ZNF729: variants seen among roughly 807,000 people sequenced by gnomAD.
ZNF729 encodes zinc finger protein 729.
ZNF729 carries 15 observed loss-of-function variants against 12.2 expected under a neutral mutation model. The ratio of observed to expected loss-of-function variants is 1.23; its 90% CI spans 0.82 to 1.89. The LOEUF (loss-of-function observed/expected upper bound fraction) is 1.89. Ranked by LOEUF, ZNF729 falls within the 40% of genes most tolerant of loss-of-function variation. The pLI is 0.00. For synonymous variants in ZNF729, 492 were observed against 476.3 expected (o/e 1.03, Z -0.43); for missense variants, 1,540 against 1,456.7 (o/e 1.06, Z -0.93).
intron 1 of ZNF729, among the ~76,000 whole-genome samples, chr19:22,302,049 TG>T: frequency 6.6e-6 from 1 of 152,310 alleles, no homozygotes; most frequent in Non-Finnish European, 1.5e-5. Context: ...AGCAGAACTG[TG>T]TCAAGCTGAC....
In ZNF729 at chr19:22,316,747, C is replaced by T. The variant is rs776690693; in HGVS notation, c.3330C>T (p.Gly1110=). Residue 1110 remains glycine (G), a synonymous_variant, in exon 4 of 4, where the codon GGC becomes GGT. Transcript: ENST00000601693. ...GKKPYQCDEC[G]KAFNNSSTLT... ...AACCCTACCAATGTGACGAATGTGG[C>T]AAAGCTTTTAACAATTCCTCAACCC... The T allele has an allele frequency of 6.2e-7, 1 of 1,612,682 alleles. No homozygotes were observed. Among genetic ancestry groups the T allele is most frequent in the Non-Finnish European group, 8.5e-7 (1 of 1,179,730 alleles).
chr19:22,300,399 A>G (rs754097725), intron 1 of ZNF729, among the ~76,000 whole-genome samples: 1 of 152,124 alleles, frequency 6.6e-6, no homozygotes, highest in Non-Finnish European at 1.5e-5. Flanking sequence ...TGTCTGTTCT[A>G]TTGTGGAGTT....
rs373375131 is a variant in ZNF729, at chr19:22,289,226, A to ATT, written c.30+2687_30+2688dup. ...ATTTAATTATATATTCCATTTGTTA[A>ATT]TTTTTTTTTTTTTTTTTGAGACCAA... On this transcript the variant is annotated intron_variant, in intron 1 of 3. Coordinates refer to ENST00000601693, the MANE Select transcript of ZNF729 (RefSeq NM_001242680.2). Among the ~76,000 whole-genome samples the ATT allele has an allele frequency of 3.0e-3, 422 of 140,526 alleles. 6 individuals are homozygous for ATT. The highest frequency in any genetic ancestry group is 0.01 in the African/African-American group (392 of 37,730). 92.2% of individuals were successfully genotyped at this position (140,526 alleles called of 152,430 possible). A position where few individuals can be genotyped will look rare whatever the true frequency, so the allele number is the denominator to read the frequency against.
chr19:22,297,475 A>T (rs1311033594), intron 1 of ZNF729, among the ~76,000 whole-genome samples: 1 of 151,926 alleles, frequency 6.6e-6, no homozygotes, highest in Non-Finnish European at 1.5e-5. Context: ...AAAATAAGAA[A>T]ATATATTTTG....
intron 1 of ZNF729, among the ~76,000 whole-genome samples, chr19:22,287,614 G>A (rs920362961): frequency 6.6e-6 from 1 of 151,594 alleles, no homozygotes; most frequent in African/African-American, 2.4e-5. Context: ...AGCCACCTCA[G>A]TCTAATTGCC....
chr19:22,288,999 A>G (rs1358089607), intron 1 of ZNF729, among the ~76,000 whole-genome samples: 3 of 152,086 alleles, frequency 2.0e-5, no homozygotes, highest in Non-Finnish European at 4.4e-5. Context: ...AGTGAGCAGA[A>G]TGGAGTGGGA....
chr19:22,303,697 T>C, intron 1 of ZNF729, 61 bp from the exon 2 acceptor site: 1 of 1,458,796 alleles, frequency 6.9e-7, no homozygotes, highest in Non-Finnish European at 9.1e-7. Context: ...TGAGTCAAAT[T>C]AAAAATTTCT....
rs746566781 is a variant in ZNF729, at chr19:22,307,465, C to T, written c.253+2682C>T. Reference sequence around the variant, plus strand: ...GGATTAAGAATATTTTTTTTTCAGCCGGACGCGGTGGCTTATGCCTGTAAT... The same window carrying T: ...GGATTAAGAATATTTTTTTTTCAGCTGGACGCGGTGGCTTATGCCTGTAAT... On this transcript the variant is annotated intron_variant, in intron 3 of 3. Transcript: ENST00000601693. 1.0e-4 allele frequency among the ~76,000 whole-genome samples: 15 copies of T among 150,116 alleles called. No homozygotes were observed. In the East Asian group the frequency reaches 1.7e-3, roughly 17 times the overall value.
At chr19:22,304,035 A>ATTTTAT (rs1968348863) in intron 2 of ZNF729, among the ~76,000 whole-genome samples, 151 bp downstream of exon 2, 1 of 129,444 alleles carries the variant, frequency 7.7e-6, no homozygotes, top group Non-Finnish European at 1.6e-5. Context: ...GTAGAAAGGA[A>ATTTTAT]TTTTTTTTTT....
Position 22,316,981 on chromosome 19 carries a change from C to T in ZNF729, c.3564C>T (p.Tyr1188=), listed in dbSNP as rs776918717. 1.2e-5 allele frequency: 20 copies of T among 1,612,594 alleles called. No homozygotes were observed. The highest frequency in any genetic ancestry group is 1.6e-4 in the Middle Eastern group (1 of 6,080). ...HKTIHTGEKP[Y]KCEECGKAFI... ...CAATTCATACTGGAGAGAAACCCTA[C>T]AAATGTGAAGAATGTGGCAAAGCTT... The change falls in exon 4 of 4, where the codon TAC becomes TAT. Residue 1188 remains tyrosine (Y), a synonymous_variant. Transcript: ENST00000601693.
chr19:22,291,659 G>A (rs1273526155), intron 1 of ZNF729, among the ~76,000 whole-genome samples: 1 of 150,142 alleles, frequency 6.7e-6, no homozygotes, highest in South Asian at 2.1e-4. Flanking sequence ...TCACACCTGG[G>A]CCACTATCTG....
chr19:22,314,683 T>G lies in ZNF729; in HGVS notation c.1266T>G (p.His422Gln). The change falls in exon 4 of 4, where the codon CAT (histidine) becomes CAG (glutamine). Residue 422 changes from histidine to glutamine, a missense_variant. Transcript: ENST00000601693. ...AFSQFSTLKK[H>Q]KIIHTGKKPY... Reference sequence around the variant, plus strand: ...GCCAGTTCTCAACCCTTAAAAAACATAAGATAATTCATACTGGAAAGAAAC... The same window carrying G: ...GCCAGTTCTCAACCCTTAAAAAACAGAAGATAATTCATACTGGAAAGAAAC... 1 of 1,612,784 alleles carries G rather than the reference T, an allele frequency of 6.2e-7. No homozygotes were observed. The highest frequency in any genetic ancestry group is 8.5e-7 in the Non-Finnish European group (1 of 1,179,804).
intron 1 of ZNF729, among the ~76,000 whole-genome samples, chr19:22,291,818 C>T (rs750687354): frequency 1.3e-5 from 2 of 152,222 alleles, no homozygotes; most frequent in Non-Finnish European, 2.9e-5. Context: ...ACTGCAACCT[C>T]AGCCTTCTGG....
At chr19:22,302,124 C>G (rs73924812) in intron 1 of ZNF729, among the ~76,000 whole-genome samples, 3 of 152,312 alleles carry the variant, frequency 2.0e-5, no homozygotes, top group East Asian at 3.8e-4. Context: ...GTTTGTTCCT[C>G]CCCTCATACA....
Position 22,316,088 on chromosome 19 carries a change from T to C in ZNF729, c.2671T>C (p.Trp891Arg), listed in dbSNP as rs528916394. 2 of 1,608,990 alleles carry C rather than the reference T, an allele frequency of 1.2e-6. No individual in the cohort carries two copies. Among genetic ancestry groups the C allele is most frequent in the Non-Finnish European group, 1.7e-6 (2 of 1,179,246 alleles). ...TGAAGAATGTGGTAAAGCTTTTAAG[T>C]GGTTGTCAAAACTTACTGTACATAA... ...KCEECGKAFK[W>R]LSKLTVHKVI... The change falls in exon 4 of 4, where the codon TGG becomes CGG. Residue 891 changes from tryptophan (W) to arginine (R), a missense_variant. Coordinates refer to ENST00000601693, the MANE Select transcript of ZNF729 (RefSeq NM_001242680.2).
Position 22,315,845 on chromosome 19 carries a change from A to C in ZNF729, c.2428A>C (p.Lys810Gln). ...TGGTAAAGCTTTTAAGTGGTCCTCA[A>C]AGCTTACTGTACATAAGGTAATTCA... is the stretch of plus-strand genomic sequence containing the variant. ...ECGKAFKWSS[K>Q]LTVHKVIHTG... Residue 810 changes from lysine to glutamine, a missense_variant, in exon 4 of 4, where the codon AAG becomes CAG. Physicochemically the swap from Lys to Gln is moderately conservative, Grantham distance 53. Transcript: ENST00000601693. 1 of 1,610,580 alleles carries C rather than the reference A, an allele frequency of 6.2e-7. No individual in the cohort carries two copies.
chr19:22,294,644 T>TC (rs1251356229), intron 1 of ZNF729, among the ~76,000 whole-genome samples: 1 of 136,550 alleles, frequency 7.3e-6, no homozygotes, highest in East Asian at 2.3e-4. Context: ...ACTTTTTTTT[T>TC]TTTTTTCTTT....
intron 1 of ZNF729, among the ~76,000 whole-genome samples, chr19:22,298,750 G>T (rs1968265364): frequency 6.6e-6 from 1 of 152,154 alleles, no homozygotes; most frequent in Non-Finnish European, 1.5e-5. Flanking sequence ...CTGAGCCCAG[G>T]AAGTTTGCCC....
At chr19:22,292,994 A>G in intron 1 of ZNF729, among the ~76,000 whole-genome samples, 1 of 152,212 alleles carries the variant, frequency 6.6e-6, no homozygotes, top group Admixed American at 6.5e-5. Flanking sequence ...CCAGCAGCAC[A>G]TAGCCGTTTC....
Sources: gnomAD v4.1 joint callset for allele counts (sites outside exome capture counted in the v4.1 genomes callset) on GRCh38, gnomAD v4.1.1 for gene constraint, MANE v1.5 for transcripts, NCBI Gene and HGNC (gene_info 2026-07-23, HGNC 2026-07-21) for gene names.